The following LAMA4 variants were observed in gnomAD, a reference collection of about 807,000 sequenced individuals.
LAMA4 encodes the protein laminin subunit alpha 4.
In LAMA4, 127 loss-of-function variants were observed where a neutral mutation model predicts 207.1. The observed-to-expected ratio is 0.61, with a 90% confidence interval of 0.53 to 0.71. The LOEUF (loss-of-function observed/expected upper bound fraction) is 0.71. Ranked by LOEUF, LAMA4 falls within the 30% of genes least tolerant of loss-of-function variation. LAMA4 has a pLI of 0.00. For missense variants in LAMA4, 2,093 were observed against 2,246.5 expected (o/e 0.93, Z 1.38); for synonymous variants, 761 against 816.0 (o/e 0.93, Z 1.15).
rs1778389294 is a variant in LAMA4 at position 112,121,995 on chromosome 6, G to C, written c.4475+19C>G. Reference sequence around the variant, plus strand: ...CAGCCATGTCATTAGGAGTCTAGGAGTATAGTGTGTTACTTTACTTGGCAC... The same window carrying C: ...CAGCCATGTCATTAGGAGTCTAGGACTATAGTGTGTTACTTTACTTGGCAC... On this transcript the variant is annotated intron_variant, in intron 32 of 38. Coordinates refer to ENST00000230538, the MANE Select transcript of LAMA4 (RefSeq NM_001105206.3). 6.2e-7 allele frequency: 1 copy of C among 1,606,300 alleles called. No homozygotes were observed. The highest frequency in any genetic ancestry group is 8.5e-7 in the Non-Finnish European group (1 of 1,173,056).
intron 2 of LAMA4, chr6:112,236,458 A>G (rs1785929009): frequency 1.3e-5 from 2 of 152,250 alleles, no homozygotes; most frequent in Admixed American, 6.5e-5. Context: ...AATAAGTATC[A>G]ACACTATTTT....
chr6:112,117,638 T>A lies in LAMA4; in HGVS notation c.4981+101A>T. 1.7e-6 allele frequency: 2 copies of A among 1,183,808 alleles called. No homozygotes were observed. The highest frequency in any genetic ancestry group is 2.5e-6 in the Non-Finnish European group (2 of 796,638). The allele number at this position is 1,183,808 out of a possible 1,614,324, so 73.3% of individuals were successfully genotyped here. A position where few individuals can be genotyped will look rare whatever the true frequency, so the allele number is the denominator to read the frequency against. ...GAAGAGGTCATCTTCTAGGGCTGAG[T>A]TTGGCATTCTTAAGTTTTAACTCTG... On this transcript the variant is annotated intron_variant, in intron 35 of 38. Coordinates refer to ENST00000230538, the MANE Select transcript of LAMA4 (RefSeq NM_001105206.3). The surrounding 1 kb of genome is among the most constrained non-coding windows in gnomAD (Gnocchi z 4.5).
At chr6:112,202,353 C>A (rs1554352823) in intron 4 of LAMA4, among the ~76,000 whole-genome samples, 1 of 152,114 alleles carries the variant, frequency 6.6e-6, no homozygotes, top group Admixed American at 6.5e-5. Flanking sequence ...ATACATAAGT[C>A]TCCTCACTAT....
chr6:112,181,865 G>A (rs1489456119), intron 9 of LAMA4, among the ~76,000 whole-genome samples: 4 of 152,084 alleles, frequency 2.6e-5, no homozygotes, highest in African/African-American at 7.2e-5. Flanking sequence ...TTGGGAGGCC[G>A]AGGCGGGTGG....
chr6:112,110,766 C>T (rs1777644754), intron 38 of LAMA4, among the ~76,000 whole-genome samples: 1 of 152,190 alleles, frequency 6.6e-6, no homozygotes, highest in Non-Finnish European at 1.5e-5. Context: ...TCTGCCCAAG[C>T]TTACCATCCT....
Position 112,109,015 on chromosome 6 carries a change from AAAATAAAGAAAGGTAGTTTTAGGAC to A in LAMA4, c.*397_*421del. On this transcript the variant is annotated 3_prime_UTR_variant, in exon 39 of 39. Transcript: ENST00000230538. ...TATATGTAAGTTAGTAAGTCTCTTC[AAAATAAAGAAAGGTAGTTTTAGGAC>A]AGAGATTTTTATATAGATTGAAAGT... 4.7e-6 allele frequency: 1 copy of A among 214,732 alleles called. No homozygotes were observed. Among genetic ancestry groups the A allele is most frequent in the South Asian group, 7.7e-5 (1 of 12,920 alleles). 13.3% of individuals were successfully genotyped at this position (214,732 alleles called of 1,614,324 possible). A position where few individuals can be genotyped will look rare whatever the true frequency, so the allele number is the denominator to read the frequency against.
Position 112,253,992 on chromosome 6 carries a change from G to A in LAMA4, c.159C>T (p.Pro53=). ...GCGGCAGGCGTCCCAGAGCCACGCG[G>A]GGTTCGCTCGTCTCAGGCGGGTCTT... ...GRQDPPETSE[P]RVALGRLPPA... The change falls in exon 2 of 39, where the codon CCC becomes CCT. Residue 53 remains proline, a synonymous_variant. Coordinates refer to ENST00000230538, the MANE Select transcript of LAMA4 (RefSeq NM_001105206.3). 1 of 1,586,168 alleles carries A rather than the reference G, an allele frequency of 6.3e-7. No individual in the cohort carries two copies. The highest frequency in any genetic ancestry group is 8.6e-7 in the Non-Finnish European group (1 of 1,165,832).
intron 24 of LAMA4, among the ~76,000 whole-genome samples, chr6:112,136,538 A>G (rs1554331673): frequency 6.6e-6 from 1 of 152,108 alleles, no homozygotes; most frequent in African/African-American, 2.4e-5. Context: ...CTAAAAATAC[A>G]AAAACTAGCC....
At chr6:112,221,340 T>C (rs1784915012) in intron 2 of LAMA4, among the ~76,000 whole-genome samples, 2 of 152,172 alleles carry the variant, frequency 1.3e-5, no homozygotes, top group Non-Finnish European at 2.9e-5. Context: ...TACGAACATA[T>C]GACATATATT....
chr6:112,219,293 G>A (rs1418763910), intron 2 of LAMA4: 1 of 152,150 alleles, frequency 6.6e-6, no homozygotes, highest in Non-Finnish European at 1.5e-5. Context: ...GCTATTTAGA[G>A]GCCTGTGAAA....
At position 112,139,601 on chromosome 6, in the gene LAMA4, G is replaced by C; in HGVS notation, c.3110+151C>G. 10 of 925,442 alleles carry C rather than the reference G, an allele frequency of 1.1e-5. No homozygotes were observed. In the South Asian group the frequency reaches 1.4e-4, roughly 13 times the overall value. 57.3% of individuals were successfully genotyped at this position (925,442 alleles called of 1,614,324 possible). A position where few individuals can be genotyped will look rare whatever the true frequency, so the allele number is the denominator to read the frequency against. On this transcript the variant is annotated intron_variant, in intron 23 of 38. Transcript: ENST00000230538. ...GCATGCTCATCTATGATAGAGAACA[G>C]GTGAAGAGTTTTTTGCAGGTATGAC...
intron 12 of LAMA4, among the ~76,000 whole-genome samples, chr6:112,170,240 A>G (rs181385504): frequency 1.3e-5 from 2 of 152,294 alleles, no homozygotes; most frequent in South Asian, 2.1e-4. Context: ...AGCAATAAAC[A>G]TTACTCCCTG....
intron 2 of LAMA4, chr6:112,236,992 A>C (rs571473639): frequency 6.6e-6 from 1 of 152,188 alleles, no homozygotes; most frequent in Non-Finnish European, 1.5e-5. Flanking sequence ...AAGAATAAAA[A>C]CTGAATGAAC....
Position 112,109,164 on chromosome 6 carries a change from A to G in LAMA4, c.*273T>C, listed in dbSNP as rs1254238482. On this transcript the variant is annotated 3_prime_UTR_variant, in exon 39 of 39. Coordinates refer to ENST00000230538, the MANE Select transcript of LAMA4 (RefSeq NM_001105206.3). ...ATCCCTTCTATTTTATTAGAAACAGAAACAGTAATTTCACCAGTAGGAATT... is the reference window on the plus strand; with the variant it reads ...ATCCCTTCTATTTTATTAGAAACAGGAACAGTAATTTCACCAGTAGGAATT... 1.7e-5 allele frequency: 8 copies of G among 461,768 alleles called. No homozygotes were observed. Among genetic ancestry groups the G allele is most frequent in the Admixed American group, 7.1e-5 (2 of 28,306 alleles). 28.6% of individuals were successfully genotyped at this position (461,768 alleles called of 1,614,324 possible).
chr6:112,143,472 C>G (rs1779833079), intron 19 of LAMA4, among the ~76,000 whole-genome samples: 1 of 152,030 alleles, frequency 6.6e-6, no homozygotes, highest in African/African-American at 2.4e-5. Flanking sequence ...TTGGTAGAGA[C>G]AGGGTTTTGC....
rs1371910198 is a variant in LAMA4, at chr6:112,117,143, A to T, written c.4981+596T>A. Among the ~76,000 whole-genome samples, 1 of 152,162 alleles carries T rather than the reference A, an allele frequency of 6.6e-6. No individual in the cohort carries two copies. The highest frequency in any genetic ancestry group is 1.5e-5 in the Non-Finnish European group (1 of 68,032). ...ACACCCAGCGATTGCTCCATAGAATATTCTTGGAATGAATTAGATGATGAT... is the reference window on the plus strand; with the variant it reads ...ACACCCAGCGATTGCTCCATAGAATTTTCTTGGAATGAATTAGATGATGAT... On this transcript the variant is annotated intron_variant, in intron 35 of 38. Coordinates refer to ENST00000230538, the MANE Select transcript of LAMA4 (RefSeq NM_001105206.3). The surrounding 1 kb of genome is among the most constrained non-coding windows in gnomAD (Gnocchi z 4.5).
Position 112,109,528 on chromosome 6 carries a change from C to A in LAMA4, c.5381G>T (p.Arg1794Leu). The change falls in exon 39 of 39, where the codon CGC becomes CTC. Residue 1794 changes from arginine to leucine, a missense_variant. Around this residue, in one of 3 missense-constraint regions of LAMA4, gnomAD observed 383 missense variants for 437.8 expected, o/e 0.87. Coordinates refer to ENST00000230538, the MANE Select transcript of LAMA4 (RefSeq NM_001105206.3). Reference sequence around the variant, plus strand: ...TGGGTGTCCATCAATCACAAAGTGGCGTATGCAGCCTGTGAAGGGTTTGCT... The same window carrying A: ...TGGGTGTCCATCAATCACAAAGTGGAGTATGCAGCCTGTGAAGGGTTTGCT... ...APSKPFTGCI[R>L]HFVIDGHPVS... 6.2e-7 allele frequency: 1 copy of A among 1,613,954 alleles called. No homozygotes were observed. Among genetic ancestry groups the A allele is most frequent in the Non-Finnish European group, 8.5e-7 (1 of 1,179,934 alleles).
rs1284214779 is a variant in LAMA4, at chr6:112,109,324, C to G, written c.*113G>C. 7.8e-6 allele frequency: 9 copies of G among 1,151,870 alleles called. No individual in the cohort carries two copies. Among genetic ancestry groups the G allele is most frequent in the African/African-American group, 1.5e-5 (1 of 65,618 alleles). 71.4% of individuals were successfully genotyped at this position (1,151,870 alleles called of 1,614,324 possible). A position where few individuals can be genotyped will look rare whatever the true frequency, so the allele number is the denominator to read the frequency against. ...CCTGATGATTCGTTTAAGTCCTGTT[C>G]AACTCGATGAAAGCTTCCACCCGAA... On this transcript the variant is annotated 3_prime_UTR_variant, in exon 39 of 39. Coordinates refer to ENST00000230538, the MANE Select transcript of LAMA4 (RefSeq NM_001105206.3).
Position 112,154,870 on chromosome 6 carries a change from C to T in LAMA4, c.2037G>A (p.Leu679=). 1.2e-6 allele frequency: 2 copies of T among 1,610,302 alleles called. No homozygotes were observed. Among genetic ancestry groups the T allele is most frequent in the South Asian group, 2.2e-5 (2 of 90,984 alleles). ...ATTTACTAGACTCTGCCTTTGCTTGCAGTTCTCTGGCTTGATTGAGGAGGT... is the reference window on the plus strand; with the variant it reads ...ATTTACTAGACTCTGCCTTTGCTTGTAGTTCTCTGGCTTGATTGAGGAGGT... ...SENLLNQARE[L]QAKAESSSDE... The change falls in exon 16 of 39, where the codon CTG becomes CTA. Residue 679 remains leucine (L), a synonymous_variant. Transcript: ENST00000230538.
Sources: allele counts gnomAD v4.1 joint callset (sites outside exome capture counted in the v4.1 genomes callset), GRCh38; gene constraint gnomAD v4.1.1; regional missense constraint gnomAD v4.1.1; non-coding constraint Gnocchi (gnomAD v3.1); transcripts MANE v1.5; gene names NCBI Gene and HGNC (gene_info 2026-07-23, HGNC 2026-07-21).